Variants in NALF1 observed in about 807,000 individuals in gnomAD.
NALF1 encodes the protein family with sequence similarity 155 member A.
A neutral mutation model predicts 48.4 loss-of-function variants in NALF1; 3 were observed. The ratio of observed to expected loss-of-function variants is 0.06; its 90% CI spans 0.03 to 0.16. The LOEUF (loss-of-function observed/expected upper bound fraction) is 0.16. Among genes scored for constraint, NALF1 ranks in the 10% least tolerant of loss-of-function variants. The probability of loss-of-function intolerance (pLI) is 1.00; values close to 1 mark genes in which losing one functional copy is unlikely to be tolerated. For synonymous variants in NALF1, 262 were observed against 245.7 expected (o/e 1.07, Z -0.62); for missense variants, 526 against 571.5 (o/e 0.92, Z 0.81).
In NALF1 at chr13:107,866,682, T is replaced by C. The variant is rs1004813961; in HGVS notation, c.-86A>G. ...ACAATATGCATTGACTTAAAGGGTT[T>C]AATTTCCTTATCCCCTCCTCCCGTT... On this transcript the variant is annotated 5_prime_UTR_variant, in exon 1 of 3. Coordinates refer to ENST00000375915, the MANE Select transcript of NALF1 (RefSeq NM_001080396.3). This position sits in a 1 kb window ranked among gnomAD's most constrained non-coding sequence, Gnocchi z 4.4. 2.7e-6 allele frequency: 3 copies of C among 1,097,472 alleles called. No homozygotes were observed. The highest frequency in any genetic ancestry group is 3.9e-6 in the Non-Finnish European group (3 of 763,418). The allele number at this position is 1,097,472 out of a possible 1,614,324, so 68.0% of individuals were successfully genotyped here. A position where few individuals can be genotyped will look rare whatever the true frequency, so the allele number is the denominator to read the frequency against.
chr13:107,393,627 C>T (rs968985945), intron 1 of NALF1, among the ~76,000 whole-genome samples: 1 of 151,966 alleles, frequency 6.6e-6, no homozygotes, highest in Non-Finnish European at 1.5e-5. Flanking sequence ...AAGACGGAGA[C>T]AATTAAAAGG....
intron 1 of NALF1, among the ~76,000 whole-genome samples, chr13:107,395,272 A>G (rs1337646344): frequency 6.6e-6 from 1 of 152,050 alleles, no homozygotes; most frequent in African/African-American, 2.4e-5. Flanking sequence ...TTACACTTAT[A>G]CCTTCTGTGG....
intron 1 of NALF1, among the ~76,000 whole-genome samples, chr13:107,861,737 T>C (rs1247870322): frequency 6.6e-6 from 1 of 152,214 alleles, no homozygotes; most frequent in Non-Finnish European, 1.5e-5. Flanking sequence ...GAGCCAACAT[T>C]GCGCCACTGC....
At chr13:107,327,681 T>C (rs1445065213) in intron 1 of NALF1, among the ~76,000 whole-genome samples, 2 of 152,198 alleles carry the variant, frequency 1.3e-5, no homozygotes, top group African/African-American at 2.4e-5. Context: ...TACTGAGTGA[T>C]CATTTCCGCT....
chr13:107,519,815 G>T (rs1402913604), intron 1 of NALF1, among the ~76,000 whole-genome samples: 1 of 152,152 alleles, frequency 6.6e-6, no homozygotes, highest in African/African-American at 2.4e-5. Context: ...GAGAAAAGAA[G>T]TAGCTTGAGA....
intron 1 of NALF1, among the ~76,000 whole-genome samples, chr13:107,562,603 C>A (rs1877680108): frequency 6.6e-6 from 1 of 152,196 alleles, no homozygotes; most frequent in African/African-American, 2.4e-5. Context: ...GATCTTTAAG[C>A]TGTCATCTGC....
At chr13:107,645,353 T>C (rs1406356895) in intron 1 of NALF1, among the ~76,000 whole-genome samples, 1 of 152,136 alleles carries the variant, frequency 6.6e-6, no homozygotes, top group African/African-American at 2.4e-5. Context: ...GTAGCCAGAA[T>C]AATGTCCCCA....
intron 1 of NALF1, among the ~76,000 whole-genome samples, chr13:107,555,262 TTA>T (rs1350713219): frequency 7.6e-6 from 1 of 131,112 alleles, no homozygotes; most frequent in African/African-American, 3.5e-5. Flanking sequence ...TGATTTATTA[TTA>T]ATTAATTAAT....
At chr13:107,842,008 TTTTAAA>T (rs1880054996) in intron 1 of NALF1, among the ~76,000 whole-genome samples, 1 of 152,098 alleles carries the variant, frequency 6.6e-6, no homozygotes, top group Non-Finnish European at 1.5e-5. Context: ...TTAAGAACTC[TTTTAAA>T]TTTATTACTT....
At chr13:107,294,134 C>A (rs1156341161) in intron 1 of NALF1, among the ~76,000 whole-genome samples, 1 of 152,070 alleles carries the variant, frequency 6.6e-6, no homozygotes, top group East Asian at 1.9e-4. Flanking sequence ...GAACTACTGC[C>A]AATCTCACCC....
intron 1 of NALF1, among the ~76,000 whole-genome samples, chr13:107,392,967 A>G (rs1196225189): frequency 6.6e-6 from 1 of 152,102 alleles, no homozygotes; most frequent in Non-Finnish European, 1.5e-5. Flanking sequence ...TGGAGGAGTC[A>G]ATGGTCTCAG....
chr13:107,461,258 T>C (rs1306173979), intron 1 of NALF1, among the ~76,000 whole-genome samples: 1 of 152,182 alleles, frequency 6.6e-6, no homozygotes, highest in East Asian at 1.9e-4. Context: ...CTATAGTCTT[T>C]TCCTTAGTAG....
chr13:107,790,246 A>AT (rs1388683603), intron 1 of NALF1, among the ~76,000 whole-genome samples: 4 of 152,234 alleles, frequency 2.6e-5, no homozygotes, highest in Non-Finnish European at 5.9e-5. Context: ...CTAAAATAAA[A>AT]TAAAAAGTAT....
At chr13:107,356,787 G>A (rs1477878079) in intron 1 of NALF1, among the ~76,000 whole-genome samples, 1 of 152,206 alleles carries the variant, frequency 6.6e-6, no homozygotes, top group Non-Finnish European at 1.5e-5. Context: ...GTTAACAGGT[G>A]TGGATATGGA....
At chr13:107,225,054 G>A (rs998759850) in intron 1 of NALF1, among the ~76,000 whole-genome samples, 7 of 151,982 alleles carry the variant, frequency 4.6e-5, no homozygotes, top group Admixed American at 2.6e-4. Flanking sequence ...TGTCACCCAG[G>A]CTGGAGTGCA....
chr13:107,209,160 T>C (rs1482062004), intron 2 of NALF1, among the ~76,000 whole-genome samples: 1 of 152,168 alleles, frequency 6.6e-6, no homozygotes, highest in African/African-American at 2.4e-5. Context: ...TGAAGGCCAA[T>C]GCTCCTGACC....
chr13:107,523,519 C>G (rs1876320233), intron 1 of NALF1, among the ~76,000 whole-genome samples: 1 of 108,474 alleles, frequency 9.2e-6, no homozygotes, highest in Non-Finnish European at 1.8e-5. Flanking sequence ...CTATCCTTCC[C>G]CCCTCCCCCC....
chr13:107,515,678 T>C (rs1876031163), intron 1 of NALF1, among the ~76,000 whole-genome samples: 2 of 152,216 alleles, frequency 1.3e-5, no homozygotes, highest in South Asian at 4.1e-4. Flanking sequence ...AGGAATTTAC[T>C]CCATGCTCTC....
intron 2 of NALF1, among the ~76,000 whole-genome samples, chr13:107,194,804 T>G (rs943961515): frequency 6.6e-6 from 1 of 152,060 alleles, no homozygotes; most frequent in Non-Finnish European, 1.5e-5. Flanking sequence ...GAGAAGATCT[T>G]CACATTCTAT....
Sources: allele counts gnomAD v4.1 joint callset (sites outside exome capture counted in the v4.1 genomes callset), GRCh38; gene constraint gnomAD v4.1.1; non-coding constraint Gnocchi (gnomAD v3.1); transcripts MANE v1.5; gene names NCBI Gene and HGNC (gene_info 2026-07-23, HGNC 2026-07-21).